PCDH15: variants seen among roughly 807,000 people sequenced by gnomAD.
The protein encoded by PCDH15 is protocadherin-15.
PCDH15 carries 129 observed loss-of-function variants against 178.5 expected under a neutral mutation model. The ratio of observed to expected loss-of-function variants is 0.72; its 90% CI spans 0.63 to 0.84. The LOEUF (loss-of-function observed/expected upper bound fraction) is 0.84. Among genes scored for constraint, PCDH15 ranks in the 40% least tolerant of loss-of-function variants. The pLI is 0.00. For synonymous variants in PCDH15, 800 were observed against 732.0 expected, an observed-to-expected ratio of 1.09 and a Z score of -1.50; for missense variants, 2,230 against 2,099.9, an observed-to-expected ratio of 1.06 and a Z score of -1.21.
At chr10:55,339,290 TAACAACAAC>T (rs34058084) in intron 2 of PCDH15, among the ~76,000 whole-genome samples, 9 of 150,534 alleles carry the variant, frequency 6.0e-5, no homozygotes, top group African/African-American at 2.0e-4. Flanking sequence ...CCATAACAAT[TAACAACAAC>T]AACAACAACA....
At chr10:54,826,501 A>G (rs1953134437) in intron 3 of PCDH15, among the ~76,000 whole-genome samples, 1 of 151,888 alleles carries the variant, frequency 6.6e-6, no homozygotes, top group African/African-American at 2.4e-5. Context: ...GCAATATGTC[A>G]TATTGTGGGG....
chr10:54,570,839 T>C (rs936327948), intron 2 of PCDH15, among the ~76,000 whole-genome samples: 16 of 150,024 alleles, frequency 1.1e-4, no homozygotes, highest in African/African-American at 3.7e-4. Context: ...CTTTTTTTTT[T>C]GTATTTTTAG....
At chr10:54,147,017 G>A (rs1309799407) in intron 14 of PCDH15, among the ~76,000 whole-genome samples, 11 of 59,918 alleles carry the variant, frequency 1.8e-4, no homozygotes, top group South Asian at 8.3e-4. Context: ...TATATATAAT[G>A]TGTATATATA....
At chr10:55,183,706 T>A (rs1216734728) in intron 1 of PCDH15, among the ~76,000 whole-genome samples, 4 of 151,536 alleles carry the variant, frequency 2.6e-5, no homozygotes, top group African/African-American at 9.7e-5. Context: ...AAAAGAATGG[T>A]TTATGCTATC....
At chr10:55,149,009 T>A (rs1838608711) in intron 2 of PCDH15, among the ~76,000 whole-genome samples, 1 of 151,364 alleles carries the variant, frequency 6.6e-6, no homozygotes, top group Non-Finnish European at 1.5e-5. Flanking sequence ...ATCAATGTAA[T>A]CTTTATTATC....
chr10:54,672,813 G>A (rs893662584), intron 1 of PCDH15, among the ~76,000 whole-genome samples: 4 of 151,586 alleles, frequency 2.6e-5, no homozygotes, highest in Middle Eastern at 3.2e-3. Context: ...TTCTTATATT[G>A]AACAAATTTT....
intron 25 of PCDH15, among the ~76,000 whole-genome samples, chr10:53,917,649 G>C (rs944771207): frequency 3.3e-5 from 5 of 151,912 alleles, no homozygotes; most frequent in African/African-American, 1.2e-4. Flanking sequence ...TTTTTCTTGA[G>C]ACTATAAAGG....
intron 2 of PCDH15, among the ~76,000 whole-genome samples, chr10:55,003,937 G>A (rs190050941): frequency 3.0e-4 from 46 of 152,338 alleles, no homozygotes; most frequent in Non-Finnish European, 4.6e-4. Context: ...GGTATCTGCA[G>A]GTGCAGATAG....
intron 1 of PCDH15, among the ~76,000 whole-genome samples, chr10:54,704,490 TAAAC>T (rs1226447843): frequency 2.0e-5 from 3 of 151,626 alleles, no homozygotes; most frequent in Non-Finnish European, 2.9e-5. Context: ...ACCACACAAA[TAAAC>T]AACCCATTAA....
chr10:54,195,612 T>C (rs776546749), intron 11 of PCDH15, 71 bp downstream of exon 11: 14 of 1,293,508 alleles, frequency 1.1e-5, no homozygotes, highest in Non-Finnish European at 1.6e-5. Context: ...GCCATATCTT[T>C]GTCATATTTC....
intron 2 of PCDH15, among the ~76,000 whole-genome samples, chr10:55,459,253 GA>G (rs1839620592): frequency 1.3e-5 from 1 of 75,202 alleles, no homozygotes; most frequent in Non-Finnish European, 2.5e-5. Flanking sequence ...AAGAAGGAAA[GA>G]AAAAAATAAA....
intron 4 of PCDH15, among the ~76,000 whole-genome samples, chr10:54,371,699 G>T (rs1947694725): frequency 6.6e-6 from 1 of 151,104 alleles, no homozygotes; most frequent in South Asian, 2.1e-4. Flanking sequence ...ACCCATAAAA[G>T]TTTTTAAAAA....
In PCDH15 at chr10:53,951,328, C is replaced by A. The variant is rs570178703; in HGVS notation, c.3122+8404G>T. Among the ~76,000 whole-genome samples, 22 of 150,398 alleles carry A rather than the reference C, an allele frequency of 1.5e-4. 1 individual carries two copies. Among genetic ancestry groups the A allele is most frequent in the African/African-American group, 4.4e-4 (18 of 40,790 alleles). On this transcript the variant is annotated intron_variant, in intron 23 of 37. Transcript: ENST00000644397. The stretch of plus-strand genomic sequence containing the variant: ...TTAATTCATTTCCCTCCCACCCCCA[C>A]CAAAAAATGAAGCTAGTTGGAGATA...
intron 2 of PCDH15, among the ~76,000 whole-genome samples, chr10:55,437,218 T>TTTTAATATACCTG (rs112436954): frequency 1.3e-5 from 2 of 151,844 alleles, no homozygotes; most frequent in African/African-American, 2.4e-5. Context: ...GGATCTCAAT[T>TTTTAATATACCTG]TAATTGGAGA....
intron 1 of PCDH15, among the ~76,000 whole-genome samples, chr10:55,235,906 CAAAAAAAAAAAAA>C (rs144784085): frequency 0.47 from 54,818 of 117,494 alleles, 11,137 homozygotes; most frequent in South Asian, 0.58. Flanking sequence ...GACTCCATGT[CAAAAAAAAAAAAA>C]AAAAAAAAAA....
At chr10:54,599,884 A>G (rs2092443149) in intron 2 of PCDH15, 1 of 691,090 alleles carries the variant, frequency 1.4e-6, no homozygotes, top group African/African-American at 1.8e-5. Flanking sequence ...AGCCAAAGCT[A>G]AAGAGGAAAA....
chr10:55,323,108 A>T (rs148391558), upstream of PCDH15, among the ~76,000 whole-genome samples: 757 of 152,312 alleles, frequency 5.0e-3, 9 homozygotes, highest in African/African-American at 0.017. Context: ...GCAGTTTCCA[A>T]GTCTTGGCAG....
At chr10:54,320,088 C>G (rs965346246) in intron 7 of PCDH15, among the ~76,000 whole-genome samples, 2 of 151,978 alleles carry the variant, frequency 1.3e-5, no homozygotes, top group Admixed American at 1.3e-4. Context: ...CCTAGAGGCA[C>G]TATAAAGATT....
intron 8 of PCDH15, among the ~76,000 whole-genome samples, chr10:54,260,506 A>AT (rs1005815568): frequency 2.3e-4 from 18 of 77,162 alleles, no homozygotes; most frequent in Admixed American, 1.6e-3. Flanking sequence ...TTTCATTTTA[A>AT]TGATTTATAT....
Sources: allele counts gnomAD v4.1 joint callset (sites outside exome capture counted in the v4.1 genomes callset), GRCh38; gene constraint gnomAD v4.1.1; transcripts MANE v1.5; gene names NCBI Gene and HGNC (gene_info 2026-07-23, HGNC 2026-07-21).